ZBTB10: variants seen among roughly 807,000 people sequenced by gnomAD.
ZBTB10 encodes zinc finger and BTB domain containing 10.
ZBTB10 carries 32 observed loss-of-function variants against 76.4 expected under a neutral mutation model. That is an observed-to-expected ratio of 0.42 (90% confidence interval 0.32 to 0.56). The LOEUF (loss-of-function observed/expected upper bound fraction) is 0.56, where lower values mean the gene tolerates loss of function less well. ZBTB10 is among the 20% of genes least tolerant of loss of function. ZBTB10 has a pLI of 0.14. For synonymous variants in ZBTB10, 523 were observed against 432.9 expected (o/e 1.21, Z -2.58); for missense variants, 1,057 against 1,098.5 (o/e 0.96, Z 0.53).
At position 80,519,592 on chromosome 8, in the gene ZBTB10, GTTGAAC is replaced by G; in HGVS notation, c.*70_*75del. On this transcript the variant is annotated 3_prime_UTR_variant, in exon 6 of 6. Coordinates refer to ENST00000455036, the MANE Select transcript of ZBTB10 (RefSeq NM_001105539.3). ...CTAATATGAATCGACAATTTGGATT[GTTGAAC>G]TTGAAGGCTTGCAAAATATGGTACA... 6.1e-6 allele frequency: 9 copies of G among 1,481,058 alleles called. No homozygotes were observed. The highest frequency in any genetic ancestry group is 1.4e-5 in the African/African-American group (1 of 71,982). 91.7% of individuals were successfully genotyped at this position (1,481,058 alleles called of 1,614,324 possible).
At position 80,518,763 on chromosome 8, in the gene ZBTB10, CTT is replaced by C. The variant is rs768058142; in HGVS notation, c.2138-13_2138-12del. 1.3e-6 allele frequency: 2 copies of C among 1,589,482 alleles called. No homozygotes were observed. The highest frequency in any genetic ancestry group is 1.7e-6 in the Non-Finnish European group (2 of 1,170,262). Reference sequence around the variant, plus strand: ...GTTTAATGTGTAATAAGCACTTTCTCTTTTTTTAATTCTCATAGGTGAATCAT... The same window carrying C: ...GTTTAATGTGTAATAAGCACTTTCTCTTTTTAATTCTCATAGGTGAATCAT... On this transcript the variant is annotated splice_polypyrimidine_tract_variant and intron_variant, in intron 4 of 5. Coordinates refer to ENST00000455036, the MANE Select transcript of ZBTB10 (RefSeq NM_001105539.3).
intron 1 of ZBTB10, among the ~76,000 whole-genome samples, chr8:80,498,934 A>G (rs1002234661): frequency 2.0e-5 from 3 of 152,232 alleles, no homozygotes; most frequent in South Asian, 2.1e-4. Context: ...AGTTGAAGCA[A>G]ATTTTCCCCT....
intron 2 of ZBTB10, among the ~76,000 whole-genome samples, chr8:80,507,540 G>A (rs563514463): frequency 2.0e-5 from 3 of 151,636 alleles, no homozygotes; most frequent in South Asian, 2.1e-4. Context: ...GCTTGAACCC[G>A]GGAGCAGAGG....
chr8:80,491,500 A>G (rs1437327270), intron 1 of ZBTB10, among the ~76,000 whole-genome samples: 3 of 152,228 alleles, frequency 2.0e-5, no homozygotes, highest in African/African-American at 7.2e-5. Context: ...ATCCCTTGGT[A>G]GTTACCAAAA....
rs1816447624 is a variant in ZBTB10, at chr8:80,521,504, A to C, written c.*1976A>C. ...TTAAATAAACTAGTTTACAATTGGT[A>C]GATCTGTCTATATATAAATATATAT... On this transcript the variant is annotated 3_prime_UTR_variant, in exon 6 of 6. Coordinates refer to ENST00000455036, the MANE Select transcript of ZBTB10 (RefSeq NM_001105539.3). 1 of 151,766 alleles carries C rather than the reference A, an allele frequency of 6.6e-6. No individual in the cohort carries two copies. Among genetic ancestry groups the C allele is most frequent in the Non-Finnish European group, 1.5e-5 (1 of 67,746 alleles). 9.4% of individuals were successfully genotyped at this position (151,766 alleles called of 1,614,324 possible).
intron 1 of ZBTB10, among the ~76,000 whole-genome samples, chr8:80,496,527 G>A (rs1815788006): frequency 1.3e-5 from 2 of 152,268 alleles, no homozygotes; most frequent in South Asian, 4.1e-4. Flanking sequence ...AAAAAAAATA[G>A]TGGTTGAATG....
In ZBTB10 at chr8:80,503,925, C is replaced by G. The variant is rs115190782; in HGVS notation, c.1861+3543C>G. ...GTCCTGTTTTTGTAGGCTATGTGCT[C>G]TTCTGCCCATCTTGTGATGAATACA... On this transcript the variant is annotated intron_variant, in intron 2 of 5. Coordinates refer to ENST00000455036, the MANE Select transcript of ZBTB10 (RefSeq NM_001105539.3). 9.6e-3 allele frequency among the ~76,000 whole-genome samples: 1,468 copies of G among 152,298 alleles called. 25 individuals carry two copies. Among genetic ancestry groups the G allele is most frequent in the African/African-American group, 0.034 (1,394 of 41,556 alleles).
rs1189523143 is a variant in ZBTB10 at position 80,486,346 on chromosome 8, A to G, written c.-465A>G. The G allele has an allele frequency of 1.0e-6, 1 of 988,650 alleles. No individual in the cohort carries two copies. The highest frequency in any genetic ancestry group is 1.1e-4 in the East Asian group (1 of 8,824). The allele number at this position is 988,650 out of a possible 1,614,324, so 61.2% of individuals were successfully genotyped here. On this transcript the variant is annotated 5_prime_UTR_variant, in exon 1 of 6. Transcript: ENST00000455036. ...GTGCCTCTCACCCTCAGCGCCTGCG[A>G]AGCCGGCGGCGGCGTCGGGACTCCT...
At chr8:80,514,522 T>C (rs1816279940) in intron 3 of ZBTB10, among the ~76,000 whole-genome samples, 1 of 152,162 alleles carries the variant, frequency 6.6e-6, no homozygotes, top group African/African-American at 2.4e-5. Flanking sequence ...GATAGAAGAA[T>C]GATAGAATTG....
chr8:80,513,929 C>T lies in ZBTB10; in HGVS notation c.1881C>T (p.Leu627=), dbSNP rs1257738478. The change falls in exon 3 of 6, where the codon CTC becomes CTT. Residue 627 remains leucine (L), a synonymous_variant. Transcript: ENST00000455036. Reference sequence around the variant, plus strand: ...TTTCAGATTTAGATGGTGCTCTACTCTCGGGGCCAGATGGTGATAGGAATG... The same window carrying T: ...TTTCAGATTTAGATGGTGCTCTACTTTCGGGGCCAGATGGTGATAGGAATG... ...KEEPDLDGAL[L]SGPDGDRNVN... The T allele has an allele frequency of 3.7e-6, 6 of 1,613,292 alleles. No individual in the cohort carries two copies. Among genetic ancestry groups the T allele is most frequent in the Non-Finnish European group, 5.1e-6 (6 of 1,179,624 alleles).
chr8:80,500,998 C>G (rs908187228), intron 2 of ZBTB10, among the ~76,000 whole-genome samples: 2 of 152,202 alleles, frequency 1.3e-5, no homozygotes, highest in Non-Finnish European at 2.9e-5. Flanking sequence ...TCCTGAGTAG[C>G]TGGGACTGCA....
At position 80,486,373 on chromosome 8, in the gene ZBTB10, G is replaced by A; in HGVS notation, c.-438G>A. ...GCCGGCGGCGGCGTCGGGACTCCTC[G>A]GCGCGCGGAGGAAGGATATCTGTGT... On this transcript the variant is annotated 5_prime_UTR_variant, in exon 1 of 6. Transcript: ENST00000455036. 1 of 988,812 alleles carries A rather than the reference G, an allele frequency of 1.0e-6. No homozygotes were observed. Among genetic ancestry groups the A allele is most frequent in the African/African-American group, 1.8e-5 (1 of 56,782 alleles). The allele number at this position is 988,812 out of a possible 1,614,324, so 61.3% of individuals were successfully genotyped here. A position where few individuals can be genotyped will look rare whatever the true frequency, so the allele number is the denominator to read the frequency against.
chr8:80,514,826 G>A (rs1816286736), intron 3 of ZBTB10, among the ~76,000 whole-genome samples: 2 of 152,210 alleles, frequency 1.3e-5, no homozygotes, highest in African/African-American at 4.8e-5. Context: ...GATTTGATGT[G>A]CCACCTGGCA....
Position 80,523,761 on chromosome 8 carries a change from A to G in ZBTB10, c.*4233A>G, listed in dbSNP as rs1275217605. On this transcript the variant is annotated 3_prime_UTR_variant, in exon 6 of 6. Coordinates refer to ENST00000455036, the MANE Select transcript of ZBTB10 (RefSeq NM_001105539.3). The stretch of plus-strand genomic sequence containing the variant: ...GACATTGGGTACTTAAATTTGGAGT[A>G]CACTAGCTATTGAGAACAATATTTT... 4 of 151,996 alleles carry G rather than the reference A, an allele frequency of 2.6e-5. No homozygotes were observed. Among genetic ancestry groups the G allele is most frequent in the Non-Finnish European group, 5.9e-5 (4 of 67,888 alleles). The allele number at this position is 151,996 out of a possible 1,614,324, so 9.4% of individuals were successfully genotyped here.
intron 3 of ZBTB10, among the ~76,000 whole-genome samples, chr8:80,517,615 A>G (rs958488311): frequency 5.3e-5 from 8 of 152,092 alleles, no homozygotes; most frequent in African/African-American, 1.2e-4. Flanking sequence ...TAATTATCCT[A>G]TATATATTCT....
Position 80,487,406 on chromosome 8 carries a change from C to A in ZBTB10, c.596C>A (p.Ala199Glu). 6.5e-7 allele frequency: 1 copy of A among 1,537,210 alleles called. No homozygotes were observed. Among genetic ancestry groups the A allele is most frequent in the Non-Finnish European group, 8.8e-7 (1 of 1,139,110 alleles). ...GCGAGCCTGGGCGACGGCAGCGGGG[C>A]GGAAGGCGGCAGCTGCAGCAGCAGC... is the stretch of plus-strand genomic sequence containing the variant. Reference protein sequence around the residue: ...EGASLGDGSGAEGGSCSSSRR... With the variant: ...EGASLGDGSGEEGGSCSSSRR... Residue 199 changes from alanine (A) to glutamate (E), a missense_variant, in exon 1 of 6, where the codon GCG becomes GAG. Ala to Glu is a moderately radical substitution (Grantham distance 107). Around this residue, in one of 5 missense-constraint regions of ZBTB10, gnomAD observed 556 missense variants for 451.7 expected, o/e 1.23. Transcript: ENST00000455036.
At position 80,486,675 on chromosome 8, in the gene ZBTB10, G is replaced by T. The variant is rs1263539025; in HGVS notation, c.-136G>T. On this transcript the variant is annotated 5_prime_UTR_variant, in exon 1 of 6. Coordinates refer to ENST00000455036, the MANE Select transcript of ZBTB10 (RefSeq NM_001105539.3). ...GCGAGCCGGGCTGCCGGGCGAGAGG[G>T]CGAGGCCGAGCCCCGCGAGACCGGA... 1.7e-5 allele frequency: 17 copies of T among 989,590 alleles called. No homozygotes were observed. Among genetic ancestry groups the T allele is most frequent in the Admixed American group, 6.1e-5 (1 of 16,404 alleles). The allele number at this position is 989,590 out of a possible 1,614,324, so 61.3% of individuals were successfully genotyped here.
In ZBTB10 at chr8:80,486,632, G is replaced by T. The variant is rs1380372754; in HGVS notation, c.-179G>T. On this transcript the variant is annotated 5_prime_UTR_variant, in exon 1 of 6. Transcript: ENST00000455036. The stretch of plus-strand genomic sequence containing the variant: ...GCGGCAGCGGCAGCGGACGCGTGCA[G>T]CAGACCCGGGAGCGAGCGCGAGCCG... 4.1e-5 allele frequency: 41 copies of T among 988,046 alleles called. No individual in the cohort carries two copies. The African/African-American group carries it at 6.8e-4, about 16-fold the overall frequency. 61.2% of individuals were successfully genotyped at this position (988,046 alleles called of 1,614,324 possible).
In ZBTB10 at chr8:80,525,937, CT is replaced by C. The variant is rs1382873165; in HGVS notation, c.*6412del. The C allele has an allele frequency of 6.6e-6, 1 of 152,128 alleles. No individual in the cohort carries two copies. The highest frequency in any genetic ancestry group is 1.5e-5 in the Non-Finnish European group (1 of 68,030). 9.4% of individuals were successfully genotyped at this position (152,128 alleles called of 1,614,324 possible). ...TATGATACGTGGTGTCACACTGAGCCTTTGGGATCCTTTCCCTGGATACATA... is the reference window on the plus strand; with the variant it reads ...TATGATACGTGGTGTCACACTGAGCCTTGGGATCCTTTCCCTGGATACATA... On this transcript the variant is annotated 3_prime_UTR_variant, in exon 6 of 6. Transcript: ENST00000455036.
Sources: gnomAD v4.1 joint callset for allele counts (sites outside exome capture counted in the v4.1 genomes callset) on GRCh38, gnomAD v4.1.1 for gene constraint, gnomAD v4.1.1 regional missense constraint, MANE v1.5 for transcripts, NCBI Gene and HGNC (gene_info 2026-07-23, HGNC 2026-07-21) for gene names.